The following KIAA1217 variants were observed in gnomAD, a reference collection of about 807,000 sequenced individuals.
KIAA1217 encodes the protein sickle tail protein homolog.
Under a neutral mutation model 163.9 loss-of-function variants are expected in KIAA1217, and 88 were observed. The ratio of observed to expected loss-of-function variants is 0.54; its 90% CI spans 0.45 to 0.64. The LOEUF is 0.64. KIAA1217 is among the 30% of genes least tolerant of loss of function. The pLI, the probability that KIAA1217 is intolerant of heterozygous loss-of-function variation, is 0.00. For synonymous variants in KIAA1217, 903 were observed against 923.1 expected, an observed-to-expected ratio of 0.98 and a Z score of 0.39; for missense variants, 2,372 against 2,475.0, an observed-to-expected ratio of 0.96 and a Z score of 0.88.
intron 2 of KIAA1217, among the ~76,000 whole-genome samples, chr10:24,320,613 G>T (rs2044012486): frequency 6.6e-6 from 1 of 152,166 alleles, no homozygotes; most frequent in South Asian, 2.1e-4. Context: ...CTTCCTGTTG[G>T]CTGAGAAAAC....
chr10:23,934,619 A>ATTTTTTTTT (rs1219984756), intron 1 of KIAA1217, among the ~76,000 whole-genome samples: 9 of 64,668 alleles, frequency 1.4e-4, no homozygotes, highest in Non-Finnish European at 2.4e-4. Flanking sequence ...ATATATATAT[A>ATTTTTTTTT]TATATATTTT....
chr10:24,350,813 G>A (rs1378848933), intron 2 of KIAA1217, among the ~76,000 whole-genome samples: 1 of 138,466 alleles, frequency 7.2e-6, no homozygotes, highest in Non-Finnish European at 1.5e-5. Context: ...ACAGTGCGAG[G>A]AAGTGGTGAG....
chr10:24,194,762 A>ATTTTTT (rs762968095), intron 2 of KIAA1217, among the ~76,000 whole-genome samples: 4 of 97,984 alleles, frequency 4.1e-5, no homozygotes, highest in African/African-American at 7.9e-5. Flanking sequence ...AGCCAATTAA[A>ATTTTTT]TTTTTTTTTT....
intron 1 of KIAA1217, among the ~76,000 whole-genome samples, chr10:23,989,240 A>C (rs940292368): frequency 6.6e-6 from 1 of 152,218 alleles, no homozygotes; most frequent in East Asian, 1.9e-4. Context: ...TCCTAGGTAC[A>C]TGGAGGAGGC....
intron 2 of KIAA1217, among the ~76,000 whole-genome samples, chr10:24,084,258 T>G (rs1755844767): frequency 6.6e-6 from 1 of 152,228 alleles, no homozygotes; most frequent in Admixed American, 6.5e-5. Context: ...TTTACTTACT[T>G]TCACTTATTT....
chr10:24,409,736 C>T (rs1022779593), intron 3 of KIAA1217, among the ~76,000 whole-genome samples: 2 of 152,010 alleles, frequency 1.3e-5, no homozygotes, highest in African/African-American at 4.8e-5. Flanking sequence ...CTTTTATTCC[C>T]TCACCCCTCT....
chr10:23,910,993 C>T (rs1208966835), intron 1 of KIAA1217, among the ~76,000 whole-genome samples: 3 of 152,144 alleles, frequency 2.0e-5, no homozygotes, highest in South Asian at 2.1e-4. Context: ...TGCCTATCCC[C>T]CATCTCTAAC....
At chr10:23,959,759 C>T (rs1469827766) in intron 1 of KIAA1217, among the ~76,000 whole-genome samples, 1 of 152,044 alleles carries the variant, frequency 6.6e-6, no homozygotes, top group Non-Finnish European at 1.5e-5. Flanking sequence ...GGGTGATTAA[C>T]TCGGGGGAGC....
chr10:23,987,065 T>A (rs1220239417), intron 1 of KIAA1217, among the ~76,000 whole-genome samples: 2 of 152,112 alleles, frequency 1.3e-5, no homozygotes, highest in Admixed American at 1.3e-4. Flanking sequence ...TTATGCCAGA[T>A]GTTAAAAAGG....
chr10:23,925,715 G>T (rs1202879523), intron 1 of KIAA1217, among the ~76,000 whole-genome samples: 3 of 152,130 alleles, frequency 2.0e-5, no homozygotes, highest in Non-Finnish European at 4.4e-5. Context: ...AGTGGAACAC[G>T]CCCTAAGTGA....
intron 2 of KIAA1217, among the ~76,000 whole-genome samples, chr10:24,226,167 AG>A (rs2070497018): frequency 6.6e-6 from 1 of 152,136 alleles, no homozygotes; most frequent in African/African-American, 2.4e-5. Context: ...AAAAAAAAAA[AG>A]AATTTCCAGT....
intron 2 of KIAA1217, among the ~76,000 whole-genome samples, chr10:24,148,304 T>C (rs1443488179): frequency 6.6e-6 from 1 of 152,184 alleles, no homozygotes; most frequent in African/African-American, 2.4e-5. Flanking sequence ...GCTCATCTTT[T>C]ACATGTAAAT....
At chr10:23,776,638 G>T (rs1288019728) in intron 1 of KIAA1217, among the ~76,000 whole-genome samples, 6 of 149,516 alleles carry the variant, frequency 4.0e-5, no homozygotes, top group African/African-American at 1.5e-4. Context: ...AAATACATTG[G>T]AATTACTACT....
chr10:23,753,883 G>C (rs1255170307), intron 1 of KIAA1217, among the ~76,000 whole-genome samples: 2 of 152,094 alleles, frequency 1.3e-5, no homozygotes, highest in South Asian at 4.1e-4. Flanking sequence ...TTTCAACTTT[G>C]CCTTAAGATC....
intron 2 of KIAA1217, among the ~76,000 whole-genome samples, chr10:24,058,463 A>T (rs898373686): frequency 6.6e-6 from 1 of 152,164 alleles, no homozygotes; most frequent in Non-Finnish European, 1.5e-5. Flanking sequence ...GATTGCATTG[A>T]ATCTGTAGAT....
chr10:23,875,420 A>AGAGGG lies in KIAA1217; in HGVS notation c.-320-131803_-320-131802insGGGGA, dbSNP rs1454774135. Among the ~76,000 whole-genome samples, 7 of 152,140 alleles carry AGAGGG rather than the reference A, an allele frequency of 4.6e-5. No homozygotes were observed. In the East Asian group the frequency reaches 1.4e-3, roughly 30 times the overall value. ...GGCTGGTTGTGTTCCAGGATATCCA[A>AGAGGG]GAAAAGAGTGGTTGGCCTCTATTTT... On this transcript the variant is annotated intron_variant, in intron 1 of 18. Transcript: ENST00000376462.
rs2274831 is a variant in KIAA1217 at position 24,433,017 on chromosome 10, A to T, written c.576A>T (p.Gly192=). 6.2e-7 allele frequency: 1 copy of T among 1,613,830 alleles called. No homozygotes were observed. The highest frequency in any genetic ancestry group is 8.5e-7 in the Non-Finnish European group (1 of 1,179,936). Residue 192 remains glycine, a synonymous_variant, in exon 4 of 21, where the codon GGA becomes GGT. Coordinates refer to ENST00000376454, the MANE Select transcript of KIAA1217 (RefSeq NM_019590.5). ...CAGGGGTTCTCTATCTCCAGTATGG[A>T]GATGAAACCAAGCAGCTCAGGATGC... ...RSLGVLYLQY[G]DETKQLRMPN... is the part of the protein sequence containing the mutation.
chr10:24,405,490 C>A (rs765479850), intron 3 of KIAA1217, among the ~76,000 whole-genome samples: 2 of 151,994 alleles, frequency 1.3e-5, no homozygotes, highest in African/African-American at 2.4e-5. Context: ...CTGGCAGAAA[C>A]AATAAAAGAC....
Position 24,524,567 on chromosome 10 carries a change from G to A in KIAA1217, c.2701G>A (p.Val901Met), listed in dbSNP as rs750745019. ...GGTCATCCAGCCCTCCCAGCACTCC[G>A]TGGCCCTGCTGAACCCTGCTCAGAA... is the stretch of plus-strand genomic sequence containing the variant. ...PVVIQPSQHS[V>M]ALLNPAQNLP... The change falls in exon 13 of 21, where the codon GTG becomes ATG. Residue 901 changes from valine to methionine, a missense_variant. Val to Met is a conservative substitution (Grantham distance 21). Transcript: ENST00000376454. 101 of 1,613,852 alleles carry A rather than the reference G, an allele frequency of 6.3e-5. No homozygotes were observed. The highest frequency in any genetic ancestry group is 6.7e-5 in the Admixed American group (4 of 59,998).
Sources: allele counts gnomAD v4.1 joint callset (sites outside exome capture counted in the v4.1 genomes callset), GRCh38; gene constraint gnomAD v4.1.1; transcripts MANE v1.5; gene names NCBI Gene and HGNC (gene_info 2026-07-23, HGNC 2026-07-21).